FAM13B: variants seen among roughly 807,000 people sequenced by gnomAD.
FAM13B encodes the protein family with sequence similarity 13 member B.
Under a neutral mutation model 117.3 loss-of-function variants are expected in FAM13B, and 60 were observed. That is an observed-to-expected ratio of 0.51 (90% CI 0.42 to 0.63). The LOEUF (loss-of-function observed/expected upper bound fraction) is 0.63. Among genes scored for constraint, FAM13B ranks in the 30% least tolerant of loss-of-function variants. The probability of loss-of-function intolerance (pLI) is 0.00; values close to 1 mark genes in which losing one functional copy is unlikely to be tolerated. For missense variants in FAM13B, 972 were observed against 1,091.9 expected, an observed-to-expected ratio of 0.89 and a Z score of 1.55; for synonymous variants, 332 against 356.1, an observed-to-expected ratio of 0.93 and a Z score of 0.76.
At chr5:137,993,680 G>A (rs1437639821) in intron 7 of FAM13B, among the ~76,000 whole-genome samples, 7 of 151,808 alleles carry the variant, frequency 4.6e-5, no homozygotes, top group Non-Finnish European at 8.8e-5. Flanking sequence ...CCAGTTACTC[G>A]GGAGGCTGAG....
intron 14 of FAM13B, 80 bp downstream of exon 14, chr5:137,956,397 C>G: frequency 2.1e-6 from 2 of 938,550 alleles, no homozygotes; most frequent in Non-Finnish European, 3.2e-6. Context: ...ATGGGGACAG[C>G]AGGAGAAGGG....
intron 18 of FAM13B, among the ~76,000 whole-genome samples, chr5:137,947,621 G>A (rs1009822588): frequency 2.0e-5 from 3 of 150,604 alleles, no homozygotes; most frequent in Non-Finnish European, 4.4e-5. Context: ...TCGCTCTGTT[G>A]CCCAGGCTTG....
intron 7 of FAM13B, among the ~76,000 whole-genome samples, 185 bp from the exon 8 acceptor site, chr5:137,988,500 T>C (rs1777799300): frequency 6.6e-6 from 1 of 152,208 alleles, no homozygotes; most frequent in South Asian, 2.1e-4. Context: ...CTTTCAAATA[T>C]TAACCAAAGA....
At position 138,032,814 on chromosome 5, in the gene FAM13B, CG is replaced by C; in HGVS notation, c.-236del. 1 of 985,780 alleles carries C rather than the reference CG, an allele frequency of 1.0e-6. No homozygotes were observed. The highest frequency in any genetic ancestry group is 1.2e-6 in the Non-Finnish European group (1 of 829,956). The allele number at this position is 985,780 out of a possible 1,614,324, so 61.1% of individuals were successfully genotyped here. A position where few individuals can be genotyped will look rare whatever the true frequency, so the allele number is the denominator to read the frequency against. ...ACCGCGATGCCCCGTTCCCTGGCCGCGGCCGCTTCTCCAGGACCCGCGGCGA... is the reference window on the plus strand; with the variant it reads ...ACCGCGATGCCCCGTTCCCTGGCCGCGCCGCTTCTCCAGGACCCGCGGCGA... On this transcript the variant is annotated 5_prime_UTR_variant, in exon 1 of 24. Transcript: ENST00000689681.
intron 10 of FAM13B, among the ~76,000 whole-genome samples, chr5:137,978,863 C>T (rs1774808518): frequency 6.6e-6 from 1 of 152,170 alleles, no homozygotes. Context: ...TCATATAAAC[C>T]ACCTTGATAT....
At chr5:138,046,489 T>G (rs1791644660) in intron 1 of FAM13B, among the ~76,000 whole-genome samples, 1 of 152,238 alleles carries the variant, frequency 6.6e-6, no homozygotes, top group Non-Finnish European at 1.5e-5. Context: ...GCTACACAGG[T>G]GTTTCCTTTA....
chr5:137,959,238 G>A (rs1360308035), intron 13 of FAM13B, among the ~76,000 whole-genome samples: 3 of 152,142 alleles, frequency 2.0e-5, no homozygotes, highest in African/African-American at 4.8e-5. Context: ...TAAGGACAAG[G>A]TAATTATACA....
intron 12 of FAM13B, 53 bp downstream of exon 12, chr5:137,960,113 C>G (rs1267017074): frequency 9.5e-6 from 10 of 1,055,122 alleles, no homozygotes; most frequent in African/African-American, 1.6e-5. Flanking sequence ...CCAGACATAA[C>G]AGTTTAAACC....
chr5:137,983,645 G>A (rs1776447716), intron 10 of FAM13B, among the ~76,000 whole-genome samples: 1 of 152,176 alleles, frequency 6.6e-6, no homozygotes, highest in Non-Finnish European at 1.5e-5. Context: ...AGCAATAACT[G>A]AAAAGCTGTT....
intron 20 of FAM13B, among the ~76,000 whole-genome samples, chr5:137,943,847 T>C (rs1200283394): frequency 1.3e-5 from 2 of 152,210 alleles, no homozygotes; most frequent in Non-Finnish European, 2.9e-5. Flanking sequence ...GACCATTCTA[T>C]ACTCTTTTTT....
At chr5:138,051,658 T>G (rs1791804048) in intron 1 of FAM13B, among the ~76,000 whole-genome samples, 1 of 152,176 alleles carries the variant, frequency 6.6e-6, no homozygotes, top group Non-Finnish European at 1.5e-5. Context: ...AGCAACTATA[T>G]ATTGAGCATC....
chr5:138,024,394 G>A (rs1787614695), intron 1 of FAM13B, among the ~76,000 whole-genome samples: 1 of 152,066 alleles, frequency 6.6e-6, no homozygotes, highest in Non-Finnish European at 1.5e-5. Context: ...GGAACTACCA[G>A]AAGCTGGAAG....
intron 10 of FAM13B, among the ~76,000 whole-genome samples, chr5:137,970,904 G>C (rs1474867542): frequency 2.0e-5 from 3 of 152,134 alleles, no homozygotes; most frequent in Non-Finnish European, 2.9e-5. Context: ...TCAACAAGAA[G>C]AGCTAACTAT....
At chr5:138,007,379 A>C (rs920895389) in intron 6 of FAM13B, among the ~76,000 whole-genome samples, 3 of 152,202 alleles carry the variant, frequency 2.0e-5, no homozygotes, top group African/African-American at 7.2e-5. Flanking sequence ...CTAGTTGCAA[A>C]TTAGTATATT....
intron 7 of FAM13B, among the ~76,000 whole-genome samples, chr5:137,995,891 T>C (rs1050296857): frequency 1.3e-5 from 2 of 152,188 alleles, no homozygotes; most frequent in Non-Finnish European, 2.9e-5. Context: ...AGAGCATAAA[T>C]TCTACTTGTT....
intron 6 of FAM13B, among the ~76,000 whole-genome samples, chr5:138,007,554 G>GT (rs1186572018): frequency 2.6e-5 from 4 of 152,120 alleles, no homozygotes; most frequent in Admixed American, 1.3e-4. Context: ...TTTTAATATA[G>GT]TAAGTGTGAA....
intron 10 of FAM13B, among the ~76,000 whole-genome samples, chr5:137,969,356 A>G (rs1413020773): frequency 6.6e-6 from 1 of 152,178 alleles, no homozygotes; most frequent in South Asian, 2.1e-4. Context: ...GCAGACTGAC[A>G]CCTCACACGG....
At chr5:138,016,263 T>C (rs1581258667) in intron 4 of FAM13B, among the ~76,000 whole-genome samples, 1 of 152,160 alleles carries the variant, frequency 6.6e-6, no homozygotes, top group African/African-American at 2.4e-5. Flanking sequence ...AGTTGTGTCT[T>C]TGAAGAGGAA....
rs572892293 is a variant in FAM13B, at chr5:137,986,229, G to C, written c.1047-840C>G. ...TGCCATCCATGGCACGCTTGCAATTGTACTATATGGTATTCCAAAAATAAA... is the reference window on the plus strand; with the variant it reads ...TGCCATCCATGGCACGCTTGCAATTCTACTATATGGTATTCCAAAAATAAA... On this transcript the variant is annotated intron_variant, in intron 9 of 23. Transcript: ENST00000689681. Among the ~76,000 whole-genome samples, 15 of 151,802 alleles carry C rather than the reference G, an allele frequency of 9.9e-5. No homozygotes were observed. In the South Asian group the frequency reaches 2.9e-3, roughly 30 times the overall value.
Sources: gnomAD v4.1 joint callset for allele counts (sites outside exome capture counted in the v4.1 genomes callset) on GRCh38, gnomAD v4.1.1 for gene constraint, MANE v1.5 for transcripts, NCBI Gene and HGNC (gene_info 2026-07-23, HGNC 2026-07-21) for gene names.